Variants in MTSS1 observed in about 807,000 individuals in gnomAD.
MTSS1 encodes the protein MTSS I-BAR domain containing 1.
Under a neutral mutation model 79.0 loss-of-function variants are expected in MTSS1, and 18 were observed. The observed-to-expected ratio is 0.23, with a 90% CI of 0.16 to 0.34. MTSS1 has a LOEUF of 0.34. Among genes scored for constraint, MTSS1 ranks in the 10% least tolerant of loss-of-function variants. The pLI is 1.00. For missense variants in MTSS1, 815 were observed against 986.2 expected (o/e 0.83, Z 2.33); for synonymous variants, 341 against 368.6 (o/e 0.93, Z 0.86).
At chr8:124,587,963 C>T (rs1366020644) in intron 5 of MTSS1, among the ~76,000 whole-genome samples, 3 of 152,180 alleles carry the variant, frequency 2.0e-5, no homozygotes, top group Non-Finnish European at 4.4e-5. Context: ...GAAGACACGA[C>T]TTCAGGAGTC....
chr8:124,720,501 G>A (rs1268275686), intron 1 of MTSS1, among the ~76,000 whole-genome samples: 1 of 152,196 alleles, frequency 6.6e-6, no homozygotes. Flanking sequence ...AGGCCTCAAT[G>A]TATCTGACTT....
rs546193604 is a variant in MTSS1 at position 124,557,115 on chromosome 8, T to C, written c.1230+566A>G. On this transcript the variant is annotated intron_variant, in intron 11 of 13. Transcript: ENST00000518547. ...GGGGATCATTTTCAAAGTTCGTCTT[T>C]ATATTAAAGCAAACATGTTTGAACA... Among the ~76,000 whole-genome samples, 255 of 152,314 alleles carry C rather than the reference T, an allele frequency of 1.7e-3. 5 individuals are homozygous for C. In the South Asian group the frequency reaches 0.035, roughly 21 times the overall value.
At position 124,556,412 on chromosome 8, in the gene MTSS1, A is replaced by G; in HGVS notation, c.1231-7T>C. 1 of 1,603,914 alleles carries G rather than the reference A, an allele frequency of 6.2e-7. No individual in the cohort carries two copies. The highest frequency in any genetic ancestry group is 8.5e-7 in the Non-Finnish European group (1 of 1,174,328). On this transcript the variant is annotated splice_region_variant and splice_polypyrimidine_tract_variant and intron_variant, in intron 11 of 13. Transcript: ENST00000518547. ...GCCCAGGCTTAGCCCAGTCCTATGC[A>G]AAACAAGTGCGGTCAGGAGCCAGGG...
rs569217998 is a variant in MTSS1, at chr8:124,592,127, C to T, written c.209-892G>A. On this transcript the variant is annotated intron_variant, in intron 3 of 13. Coordinates refer to ENST00000518547, the MANE Select transcript of MTSS1 (RefSeq NM_014751.6). ...TTAAATGGGCTTGAGCAACACCAGTCTTCAAGCTCAGCAAATAATGAAGGA... is the reference window on the plus strand; with the variant it reads ...TTAAATGGGCTTGAGCAACACCAGTTTTCAAGCTCAGCAAATAATGAAGGA... Among the ~76,000 whole-genome samples, 5 of 152,258 alleles carry T rather than the reference C, an allele frequency of 3.3e-5. No homozygotes were observed. In the South Asian group the frequency reaches 1.0e-3, roughly 32 times the overall value.
intron 3 of MTSS1, among the ~76,000 whole-genome samples, chr8:124,694,777 A>G (rs1211093392): frequency 6.6e-6 from 1 of 152,180 alleles, no homozygotes; most frequent in East Asian, 1.9e-4. Context: ...TGAAGGAAGC[A>G]GAGACCCTGC....
At chr8:124,560,395 T>C (rs1264119361) in intron 10 of MTSS1, among the ~76,000 whole-genome samples, 1 of 151,954 alleles carries the variant, frequency 6.6e-6, no homozygotes, top group East Asian at 1.9e-4. Context: ...GGAGTGAGGG[T>C]TGAAAAATTG....
At chr8:124,558,375 A>G (rs1354093109) in intron 10 of MTSS1, among the ~76,000 whole-genome samples, 2 of 152,144 alleles carry the variant, frequency 1.3e-5, no homozygotes, top group African/African-American at 4.8e-5. Flanking sequence ...CCTCTGACAC[A>G]GTGACATGGC....
intron 3 of MTSS1, among the ~76,000 whole-genome samples, chr8:124,675,865 G>A (rs61149287): frequency 0.093 from 14,212 of 152,206 alleles, 750 homozygotes; most frequent in South Asian, 0.17. Context: ...TGTACATACC[G>A]CAATTTGTTT....
intron 3 of MTSS1, among the ~76,000 whole-genome samples, chr8:124,592,658 G>A (rs571738696): frequency 3.4e-4 from 52 of 152,204 alleles, no homozygotes; most frequent in Admixed American, 1.8e-3. Context: ...CATATATATC[G>A]TATATTAATA....
Position 124,581,691 on chromosome 8 carries a change from T to C in MTSS1, c.460+3396A>G, listed in dbSNP as rs541070324. On this transcript the variant is annotated intron_variant, in intron 6 of 13. Coordinates refer to ENST00000518547, the MANE Select transcript of MTSS1 (RefSeq NM_014751.6). Reference sequence around the variant, plus strand: ...GGATGGTCTCGATTTCTTGACCTCATGATGCACCCGCCTCAGCCTCCCAAA... The same window carrying C: ...GGATGGTCTCGATTTCTTGACCTCACGATGCACCCGCCTCAGCCTCCCAAA... 1.2e-4 allele frequency among the ~76,000 whole-genome samples: 19 copies of C among 152,094 alleles called. No individual in the cohort carries two copies. The South Asian group carries it at 3.3e-3, about 27-fold the overall frequency.
intron 1 of MTSS1, among the ~76,000 whole-genome samples, chr8:124,717,002 TAA>T (rs34043239): frequency 8.3e-5 from 11 of 132,376 alleles, no homozygotes; most frequent in Admixed American, 1.5e-4. Flanking sequence ...TTATAATTAG[TAA>T]AAAAAAAAAA....
chr8:124,712,021 A>G (rs1831241488), intron 1 of MTSS1, among the ~76,000 whole-genome samples: 1 of 151,870 alleles, frequency 6.6e-6, no homozygotes, highest in South Asian at 2.1e-4. Context: ...AAAAAAAAAA[A>G]AGGAAGAAAA....
intron 1 of MTSS1, among the ~76,000 whole-genome samples, chr8:124,705,446 G>C (rs1263403313): frequency 6.6e-6 from 1 of 152,014 alleles, no homozygotes; most frequent in Admixed American, 6.6e-5. Context: ...ACTCCAGACT[G>C]GGCAACAGAG....
At chr8:124,585,835 C>T (rs1830772964) in intron 5 of MTSS1, among the ~76,000 whole-genome samples, 1 of 151,960 alleles carries the variant, frequency 6.6e-6, no homozygotes, top group Non-Finnish European at 1.5e-5. Context: ...AAAAAACAAA[C>T]AAAAAACAAA....
At chr8:124,698,214 A>C (rs1367295147) in intron 3 of MTSS1, 1 of 152,184 alleles carries the variant, frequency 6.6e-6, no homozygotes, top group Non-Finnish European at 1.5e-5. Context: ...ACTTTTAAGC[A>C]CCTGTGATGA....
chr8:124,661,864 C>T (rs1278011913), intron 3 of MTSS1, among the ~76,000 whole-genome samples: 2 of 152,228 alleles, frequency 1.3e-5, no homozygotes, highest in African/African-American at 4.8e-5. Flanking sequence ...GCATTTCTGA[C>T]TCCCCTTAGA....
At chr8:124,637,710 C>T (rs1393977987) in intron 3 of MTSS1, among the ~76,000 whole-genome samples, 1 of 152,184 alleles carries the variant, frequency 6.6e-6, no homozygotes, top group Non-Finnish European at 1.5e-5. Context: ...CTCAGATTCT[C>T]CCCCCAAAGC....
intron 3 of MTSS1, among the ~76,000 whole-genome samples, chr8:124,624,310 T>G (rs765695135): frequency 4.6e-5 from 7 of 151,958 alleles, no homozygotes; most frequent in Non-Finnish European, 8.8e-5. Context: ...ACAGCAAGAG[T>G]GCACCCGCTT....
chr8:124,554,011 A>C (rs1371358030), intron 13 of MTSS1, among the ~76,000 whole-genome samples: 1 of 152,244 alleles, frequency 6.6e-6, no homozygotes, highest in Non-Finnish European at 1.5e-5. Context: ...GGGAGGAATA[A>C]GGGGGATGAA....
Sources: allele counts gnomAD v4.1 joint callset (sites outside exome capture counted in the v4.1 genomes callset), GRCh38; gene constraint gnomAD v4.1.1; transcripts MANE v1.5; gene names NCBI Gene and HGNC (gene_info 2026-07-23, HGNC 2026-07-21).